The following LRP1B variants were observed in gnomAD, a reference collection of about 807,000 sequenced individuals.
LRP1B encodes low-density lipoprotein receptor-related protein 1B.
LRP1B carries 217 observed loss-of-function variants against 556.6 expected under a neutral mutation model. That is an observed-to-expected ratio of 0.39 (90% CI 0.35 to 0.44). The LOEUF (loss-of-function observed/expected upper bound fraction) is 0.44, where lower values mean the gene tolerates loss of function less well. Among genes scored for constraint, LRP1B ranks in the 20% least tolerant of loss-of-function variants. The probability of loss-of-function intolerance (pLI) is 1.00; values close to 1 mark genes in which losing one functional copy is unlikely to be tolerated. For synonymous variants in LRP1B, 2,047 were observed against 1,865.8 expected, an observed-to-expected ratio of 1.10 and a Z score of -2.50; for missense variants, 5,053 against 5,620.8, an observed-to-expected ratio of 0.90 and a Z score of 3.23.
intron 6 of LRP1B, among the ~76,000 whole-genome samples, chr2:141,216,458 G>A (rs1682818423): frequency 6.6e-6 from 1 of 152,352 alleles, no homozygotes; most frequent in East Asian, 1.9e-4. Flanking sequence ...GAGGGGAAAT[G>A]TGGGGTTGGA....
intron 66 of LRP1B, among the ~76,000 whole-genome samples, chr2:140,428,625 C>T (rs1234608618): frequency 2.0e-5 from 3 of 152,126 alleles, no homozygotes; most frequent in African/African-American, 4.8e-5. Flanking sequence ...ACTGCCTGAT[C>T]GTCTCTGAAG....
intron 32 of LRP1B, among the ~76,000 whole-genome samples, chr2:140,807,286 CTG>C (rs1391687718): frequency 6.6e-6 from 1 of 152,048 alleles, no homozygotes; most frequent in Admixed American, 6.6e-5. Flanking sequence ...ATGTAGGAAA[CTG>C]TTTTTACCAT....
intron 43 of LRP1B, among the ~76,000 whole-genome samples, chr2:140,596,724 G>A (rs1682456236): frequency 6.6e-6 from 1 of 152,184 alleles, no homozygotes; most frequent in Non-Finnish European, 1.5e-5. Flanking sequence ...GCGCTGAAGT[G>A]AGATCACCAG....
chr2:140,825,822 A>G (rs1175294228), intron 31 of LRP1B, among the ~76,000 whole-genome samples: 1 of 152,208 alleles, frequency 6.6e-6, no homozygotes, highest in African/African-American at 2.4e-5. Context: ...CAGTGGATAA[A>G]CTACAGAAAG....
intron 41 of LRP1B, among the ~76,000 whole-genome samples, chr2:140,672,868 A>G (rs1247587904): frequency 1.3e-5 from 2 of 152,200 alleles, no homozygotes; most frequent in African/African-American, 4.8e-5. Flanking sequence ...AGATAATTCC[A>G]TCCTTATTTT....
chr2:141,442,942 C>A (rs1681040096), intron 3 of LRP1B, among the ~76,000 whole-genome samples: 1 of 152,060 alleles, frequency 6.6e-6, no homozygotes, highest in African/African-American at 2.4e-5. Flanking sequence ...AGGTATATAT[C>A]CAGTAATGGG....
chr2:141,548,077 G>A (rs1432403870), intron 2 of LRP1B, among the ~76,000 whole-genome samples: 1 of 152,058 alleles, frequency 6.6e-6, no homozygotes, highest in Non-Finnish European at 1.5e-5. Context: ...AGTTACCCAG[G>A]GGAGGCCTGT....
chr2:141,715,496 C>A (rs957026101), intron 2 of LRP1B, among the ~76,000 whole-genome samples: 1 of 152,006 alleles, frequency 6.6e-6, no homozygotes, highest in Non-Finnish European at 1.5e-5. Flanking sequence ...ATAAAGTTAG[C>A]AATTTCTGTG....
intron 66 of LRP1B, among the ~76,000 whole-genome samples, chr2:140,424,544 T>C (rs895014910): frequency 3.5e-4 from 53 of 152,200 alleles, no homozygotes; most frequent in Admixed American, 6.5e-4. Context: ...CATTTTTTAA[T>C]AGATGACCAT....
At chr2:141,561,524 C>T (rs182921601) in intron 2 of LRP1B, among the ~76,000 whole-genome samples, 41 of 151,886 alleles carry the variant, frequency 2.7e-4, no homozygotes, top group Non-Finnish European at 4.9e-4. Context: ...CCATTTATTA[C>T]CTTTCTGCAT....
chr2:141,204,534 A>T (rs193244049), intron 6 of LRP1B, among the ~76,000 whole-genome samples: 50 of 152,372 alleles, frequency 3.3e-4, no homozygotes, highest in African/African-American at 1.2e-3. Flanking sequence ...TTTACCCCAT[A>T]GCACTTCAGA....
At chr2:140,748,289 T>TA (rs1688398833) in intron 35 of LRP1B, among the ~76,000 whole-genome samples, 1 of 73,146 alleles carries the variant, frequency 1.4e-5, no homozygotes, top group Non-Finnish European at 2.9e-5. Flanking sequence ...TGTTCATATA[T>TA]GTATATATAT....
At chr2:140,363,176 T>A (rs1162583522) in intron 72 of LRP1B, among the ~76,000 whole-genome samples, 1 of 151,662 alleles carries the variant, frequency 6.6e-6, no homozygotes, top group Non-Finnish European at 1.5e-5. Flanking sequence ...CCAGCCAGAA[T>A]AAGATCTCCT....
intron 41 of LRP1B, among the ~76,000 whole-genome samples, chr2:140,692,136 G>A (rs979716204): frequency 3.9e-5 from 6 of 151,912 alleles, no homozygotes; most frequent in East Asian, 1.9e-4. Flanking sequence ...AACGCCTCAC[G>A]TAATGATTAT....
chr2:142,080,418 G>T (rs562478070), intron 1 of LRP1B, among the ~76,000 whole-genome samples: 19 of 152,172 alleles, frequency 1.2e-4, no homozygotes, highest in South Asian at 8.3e-4. Context: ...TGGAAACTGT[G>T]GGGTTTTTAA....
At chr2:141,180,202 A>T (rs1018931582) in intron 7 of LRP1B, among the ~76,000 whole-genome samples, 2 of 151,710 alleles carry the variant, frequency 1.3e-5, no homozygotes, top group Non-Finnish European at 2.9e-5. Flanking sequence ...GCAATATTTA[A>T]TATTTCTTAC....
chr2:141,069,748 A>G (rs146168827), intron 7 of LRP1B, among the ~76,000 whole-genome samples: 3 of 152,148 alleles, frequency 2.0e-5, no homozygotes, highest in African/African-American at 4.8e-5. Flanking sequence ...GAAACTCTAT[A>G]AACCCACCTC....
intron 1 of LRP1B, among the ~76,000 whole-genome samples, chr2:142,079,563 AGTGGT>A (rs1362211993): frequency 6.6e-6 from 1 of 151,620 alleles, no homozygotes. Flanking sequence ...GTTGGAGTGC[AGTGGT>A]GCTATCTTGG....
At chr2:140,683,929 T>A in intron 41 of LRP1B, 1 of 445,632 alleles carries the variant, frequency 2.2e-6, no homozygotes, top group South Asian at 2.6e-5. Flanking sequence ...CCCCCCTGGA[T>A]GTTGTGGGCT....
Sources: gnomAD v4.1 joint callset for allele counts (sites outside exome capture counted in the v4.1 genomes callset) on GRCh38, gnomAD v4.1.1 for gene constraint, MANE v1.5 for transcripts, NCBI Gene and HGNC (gene_info 2026-07-23, HGNC 2026-07-21) for gene names.